AVEN: variants seen among roughly 807,000 people sequenced by gnomAD.
The protein encoded by AVEN is cell death regulator Aven.
In AVEN, 41 loss-of-function variants were observed where a neutral mutation model predicts 38.1. The ratio of observed to expected loss-of-function variants is 1.08; its 90% CI spans 0.84 to 1.40. The LOEUF (loss-of-function observed/expected upper bound fraction) is 1.40, where lower values mean the gene tolerates loss of function less well. AVEN is among the 40% of genes most tolerant of loss of function. The probability of loss-of-function intolerance (pLI) is 0.00; values close to 1 mark genes in which losing one functional copy is unlikely to be tolerated. For missense variants in AVEN, 605 were observed against 438.8 expected (o/e 1.38, Z -3.38); for synonymous variants, 206 against 171.8 (o/e 1.20, Z -1.56).
chr15:33,924,859 G>T lies in AVEN; in HGVS notation c.446-48864C>A, dbSNP rs1893554200. 2.6e-5 allele frequency among the ~76,000 whole-genome samples: 4 copies of T among 152,062 alleles called. No individual in the cohort carries two copies. The South Asian group carries it at 8.3e-4, about 32-fold the overall frequency. ...AGGTAATAAATAATTGAGAAAATTTGGAACCTACTCTGAATTAAATAGATA... is the reference window on the plus strand; with the variant it reads ...AGGTAATAAATAATTGAGAAAATTTTGAACCTACTCTGAATTAAATAGATA... On this transcript the variant is annotated intron_variant, in intron 2 of 5. Transcript: ENST00000306730.
intron 11 of AVEN, chr15:33,860,694 T>A (rs1170322654): frequency 7.1e-7 from 1 of 1,413,288 alleles, no homozygotes; most frequent in Non-Finnish European, 9.8e-7. Context: ...CCAGCTCTAT[T>A]TTAATATCCC....
At chr15:33,951,319 A>G (rs1894736496) in intron 2 of AVEN, among the ~76,000 whole-genome samples, 1 of 152,046 alleles carries the variant, frequency 6.6e-6, no homozygotes, top group Non-Finnish European at 1.5e-5. Context: ...TAGTTTGACC[A>G]TGTCAATTTA....
chr15:33,933,830 A>G (rs546180958), intron 2 of AVEN, among the ~76,000 whole-genome samples: 1 of 152,078 alleles, frequency 6.6e-6, no homozygotes, highest in Non-Finnish European at 1.5e-5. Flanking sequence ...GTGGTGACAC[A>G]CACCTGTAAT....
chr15:33,980,052 A>T (rs766846739), intron 2 of AVEN, among the ~76,000 whole-genome samples: 1 of 152,230 alleles, frequency 6.6e-6, no homozygotes, highest in Non-Finnish European at 1.5e-5. Context: ...AACAAGGGAG[A>T]AGATTTAAGA....
At chr15:34,073,744 C>G (rs1900678447) in intron 1 of AVEN, among the ~76,000 whole-genome samples, 1 of 150,882 alleles carries the variant, frequency 6.6e-6, no homozygotes, top group East Asian at 2.0e-4. Context: ...TGGTCTTGAA[C>G]TCCTGACCTT....
At chr15:33,997,379 A>C (rs570079287) in intron 2 of AVEN, among the ~76,000 whole-genome samples, 1 of 152,332 alleles carries the variant, frequency 6.6e-6, no homozygotes, top group Admixed American at 6.5e-5. Context: ...GTTCACAAAG[A>C]AAGCAAGCAC....
At chr15:33,891,547 AAAGAACATG>A (rs1891967962) in intron 2 of AVEN, among the ~76,000 whole-genome samples, 1 of 152,148 alleles carries the variant, frequency 6.6e-6, no homozygotes, top group Admixed American at 6.5e-5. Flanking sequence ...ATGTCCCTGC[AAAGAACATG>A]AACTCATCCT....
chr15:33,865,340 T>TAAAAA, downstream of AVEN: 3 of 622,138 alleles, frequency 4.8e-6, no homozygotes, highest in South Asian at 7.2e-5. Context: ...ATGCCTCCCT[T>TAAAAA]AAAAAAAAAA....
intron 2 of AVEN, among the ~76,000 whole-genome samples, chr15:33,963,899 G>T (rs112139044): frequency 0.015 from 2,282 of 151,924 alleles, 55 homozygotes; most frequent in African/African-American, 0.053. Flanking sequence ...GATTGATGCA[G>T]TATCAGGGCT....
chr15:33,889,659 G>GA (rs1891852046), intron 2 of AVEN, among the ~76,000 whole-genome samples: 1 of 151,988 alleles, frequency 6.6e-6, no homozygotes, highest in African/African-American at 2.4e-5. Context: ...TTTTAGTTTT[G>GA]AAAAACAGTA....
chr15:33,914,180 A>G (rs1183253319), intron 2 of AVEN, among the ~76,000 whole-genome samples: 1 of 150,738 alleles, frequency 6.6e-6, no homozygotes, highest in South Asian at 2.2e-4. Flanking sequence ...AATAGCTATG[A>G]GCTCTTTTAC....
At chr15:33,871,715 T>A (rs1054469685) in intron 3 of AVEN, among the ~76,000 whole-genome samples, 1 of 150,420 alleles carries the variant, frequency 6.6e-6, no homozygotes, top group Non-Finnish European at 1.5e-5. Context: ...GAAAGGGCTA[T>A]TTAGGCAGTG....
At chr15:33,910,952 T>G (rs1253788236) in intron 2 of AVEN, among the ~76,000 whole-genome samples, 1 of 152,190 alleles carries the variant, frequency 6.6e-6, no homozygotes, top group Non-Finnish European at 1.5e-5. Context: ...TATTCTCTAT[T>G]CAACTGCTTT....
chr15:34,034,094 T>C (rs934179609), intron 1 of AVEN, among the ~76,000 whole-genome samples: 1 of 152,116 alleles, frequency 6.6e-6, no homozygotes, highest in African/African-American at 2.4e-5. Context: ...CTAAATAATT[T>C]ATTAATGTGA....
At chr15:33,862,487 G>A (rs573207715), downstream of AVEN, among the ~76,000 whole-genome samples, 7 of 152,312 alleles carry the variant, frequency 4.6e-5, no homozygotes, top group Non-Finnish European at 8.8e-5. Context: ...GATTACGGGT[G>A]TGAGCCACTG....
Position 34,063,070 on chromosome 15 carries a change from T to G in AVEN, n.1489A>C. ...GACTACGTGGCCAGCAACGCTTCTGTCATGAACCTTCTGGTGATCAGTTTT... is the reference window on the plus strand; with the variant it reads ...GACTACGTGGCCAGCAACGCTTCTGGCATGAACCTTCTGGTGATCAGTTTT... On this transcript the variant is annotated non_coding_transcript_exon_variant, in exon 5 of 12. Transcript: ENST00000675287. The surrounding 1 kb of genome is among the most constrained non-coding windows in gnomAD (Gnocchi z 4.1). 1 of 1,614,172 alleles carries G rather than the reference T, an allele frequency of 6.2e-7. No homozygotes were observed. The highest frequency in any genetic ancestry group is 8.5e-7 in the Non-Finnish European group (1 of 1,180,040).
rs951227239 is a variant in AVEN, at chr15:34,039,155, G to A, written c.-109C>T. ...AGGAGCCGCGAGCGAAAGGCGCCCG[G>A]TAGCAGCGAGGCGCGGGGTGCGGGG... On this transcript the variant is annotated 5_prime_UTR_variant, in exon 1 of 6. Transcript: ENST00000306730. 273 of 935,416 alleles carry A rather than the reference G, an allele frequency of 2.9e-4. No individual in the cohort carries two copies. The highest frequency in any genetic ancestry group is 2.0e-3 in the East Asian group (21 of 10,758). 57.9% of individuals were successfully genotyped at this position (935,416 alleles called of 1,614,324 possible).
At chr15:34,025,426 G>A (rs1327967881) in intron 1 of AVEN, among the ~76,000 whole-genome samples, 1 of 152,204 alleles carries the variant, frequency 6.6e-6, no homozygotes, top group Admixed American at 6.5e-5. Context: ...GGAACAATCA[G>A]AGAAGTAGAC....
chr15:34,069,866 G>A (rs1900593701), intron 2 of AVEN, among the ~76,000 whole-genome samples: 1 of 152,126 alleles, frequency 6.6e-6, no homozygotes, highest in Non-Finnish European at 1.5e-5. Flanking sequence ...TCTTGAATAA[G>A]TAAAATATTA....
Sources: gnomAD v4.1 joint callset for allele counts (sites outside exome capture counted in the v4.1 genomes callset) on GRCh38, gnomAD v4.1.1 for gene constraint, Gnocchi (gnomAD v3.1) non-coding constraint, MANE v1.5 for transcripts, NCBI Gene and HGNC (gene_info 2026-07-23, HGNC 2026-07-21) for gene names.